AGAP2: variants seen among roughly 807,000 people sequenced by gnomAD.
The protein encoded by AGAP2 is ArfGAP with GTPase domain, ankyrin repeat and PH domain 2, also known as arf-GAP with GTPase, ANK repeat and PH domain-containing protein 2.
In AGAP2, 32 loss-of-function variants were observed where a neutral mutation model predicts 110.9. The ratio of observed to expected loss-of-function variants is 0.29; its 90% confidence interval spans 0.22 to 0.39. The LOEUF is 0.39. Ranked by LOEUF, AGAP2 falls within the 10% of genes least tolerant of loss-of-function variation. The pLI is 1.00. For missense variants in AGAP2, 1,285 were observed against 1,638.5 expected (o/e 0.78, Z 3.72); for synonymous variants, 702 against 713.0 (o/e 0.98, Z 0.25).
intron 7 of AGAP2, 66 bp downstream of exon 7, chr12:57,732,337 G>A: frequency 6.9e-7 from 1 of 1,441,238 alleles, no homozygotes; most frequent in Non-Finnish European, 9.5e-7. Flanking sequence ...CTCTGTACCT[G>A]TCCTAGGATC....
chr12:57,738,860 G>A (rs1955040530), upstream of AGAP2, among the ~76,000 whole-genome samples: 1 of 151,806 alleles, frequency 6.6e-6, no homozygotes, highest in African/African-American at 2.4e-5. The surrounding 1 kb of genome is among the most constrained non-coding windows in gnomAD (Gnocchi z 6.7). Flanking sequence ...ACGGGTCTGG[G>A]GTCTGGGAGG....
chr12:57,731,737 T>A, intron 8 of AGAP2, 72 bp downstream of exon 8: 5 of 1,582,204 alleles, frequency 3.2e-6, no homozygotes, highest in Non-Finnish European at 3.4e-6. Context: ...AACAGAGGAG[T>A]CTAGGGACTA....
In AGAP2 at chr12:57,737,276, G is replaced by C. The variant is rs770976733; in HGVS notation, c.971C>G (p.Pro324Arg). 8.1e-6 allele frequency: 13 copies of C among 1,613,460 alleles called. No individual in the cohort carries two copies. Among genetic ancestry groups the C allele is most frequent in the Non-Finnish European group, 1.1e-5 (13 of 1,179,796 alleles). Residue 324 changes from proline (P) to arginine (R), a missense_variant, in exon 1 of 19, where the codon CCA becomes CGA. This residue lies in a region of AGAP2 where 844 missense variants were observed against 941.2 expected (regional missense o/e 0.90). Coordinates refer to ENST00000547588, the MANE Select transcript of AGAP2 (RefSeq NM_001122772.3). The surrounding 1 kb of genome is among the most constrained non-coding windows in gnomAD (Gnocchi z 5.9). ...GPAPPITLEPPAPGLKRGREG... is the reference protein window; with the variant it reads ...GPAPPITLEPRAPGLKRGREG... The stretch of plus-strand genomic sequence containing the variant: ...CCGGCCCCGTTTCAGCCCCGGAGCT[G>C]GAGGCTCCAGAGTGATTGGAGGTGC...
At chr12:57,724,289 CT>C (rs1380368158), downstream of AGAP2, 1 of 152,284 alleles carries the variant, frequency 6.6e-6, no homozygotes, top group Non-Finnish European at 1.5e-5. Context: ...CCCAAAGATG[CT>C]GGTGCTACCA....
chr12:57,727,267 C>A (rs1240960012), intron 17 of AGAP2, 38 bp from the exon 18 acceptor site: 4 of 1,612,270 alleles, frequency 2.5e-6, no homozygotes, highest in Non-Finnish European at 2.5e-6. Context: ...GCTCTAGGGA[C>A]CCCCAGCCAG....
rs1186323205 is a variant in AGAP2, at chr12:57,725,422, G to A, written c.*1130C>T. ...GGCTGAGGGAGGCAGGGCTGGGCCAGGTAAGTCCGCCCTATCACCCAGTTT... is the reference window on the plus strand; with the variant it reads ...GGCTGAGGGAGGCAGGGCTGGGCCAAGTAAGTCCGCCCTATCACCCAGTTT... On this transcript the variant is annotated 3_prime_UTR_variant, in exon 19 of 19. Transcript: ENST00000547588. The A allele has an allele frequency of 3.3e-5, 5 of 151,878 alleles. No homozygotes were observed. Among genetic ancestry groups the A allele is most frequent in the African/African-American group, 1.2e-4 (5 of 41,306 alleles). 9.4% of individuals were successfully genotyped at this position (151,878 alleles called of 1,614,324 possible).
rs762504135 is a variant in AGAP2, at chr12:57,727,976, G to A, written c.2727C>T (p.Ile909=). Residue 909 remains isoleucine, a synonymous_variant, in exon 15 of 19, where the codon ATC becomes ATT. Transcript: ENST00000547588. The part of the protein sequence containing the change: ...DAWVQAIESQ[I]LASLQCCESS... The stretch of plus-strand genomic sequence containing the variant: ...TCTCACAGCATTGCAGACTGGCTAG[G>A]ATCTGACTCTCGATGGCCTGGACCC... The A allele has an allele frequency of 2.5e-6, 4 of 1,614,148 alleles. No individual in the cohort carries two copies. The highest frequency in any genetic ancestry group is 3.4e-6 in the Non-Finnish European group (4 of 1,180,020).
At position 57,729,706 on chromosome 12, in the gene AGAP2, C is replaced by T; in HGVS notation, c.2490G>A (p.Val830=). ...TCAATTTTTTCCTCCTCTGCTTCTT[C>T]ACCATGGGAGAAGGAGGGGGTTCCC... ...LSREPPPSPM[V]KKQRRKKLTT... Residue 830 remains valine, a synonymous_variant, in exon 13 of 19, where the codon GTG becomes GTA. Transcript: ENST00000547588. 6.2e-7 allele frequency: 1 copy of T among 1,613,910 alleles called. No homozygotes were observed. Among genetic ancestry groups the T allele is most frequent in the Non-Finnish European group, 8.5e-7 (1 of 1,179,896 alleles).
chr12:57,727,319 C>A, intron 17 of AGAP2, 41 bp downstream of exon 17: 4 of 1,604,500 alleles, frequency 2.5e-6, no homozygotes, highest in Non-Finnish European at 2.6e-6. Context: ...GGTTCGCACA[C>A]CCTCAGCAAC....
chr12:57,728,427 A>T, intron 13 of AGAP2, 50 bp from the exon 14 acceptor site: 1 of 1,581,478 alleles, frequency 6.3e-7, no homozygotes, highest in South Asian at 1.1e-5. Flanking sequence ...AGCAGAACAG[A>T]GAAAGAGAGA....
Position 57,737,357 on chromosome 12 carries a change from G to A in AGAP2, c.890C>T (p.Pro297Leu), listed in dbSNP as rs770817239. ...AGSPPPLTLPPTPSPATAVTA... is the reference protein window; with the variant it reads ...AGSPPPLTLPLTPSPATAVTA... ...GACAGCAGTGGCTGGACTCGGAGTTGGTGGGAGGGTTAGCGGAGGAGGAGA... is the reference window on the plus strand; with the variant it reads ...GACAGCAGTGGCTGGACTCGGAGTTAGTGGGAGGGTTAGCGGAGGAGGAGA... Residue 297 changes from proline to leucine, a missense_variant, in exon 1 of 19, where the codon CCA becomes CTA. This residue lies in a region of AGAP2 where 844 missense variants were observed against 941.2 expected (regional missense o/e 0.90). Coordinates refer to ENST00000547588, the MANE Select transcript of AGAP2 (RefSeq NM_001122772.3). The surrounding 1 kb of genome is among the most constrained non-coding windows in gnomAD (Gnocchi z 5.9). 3 of 1,613,734 alleles carry A rather than the reference G, an allele frequency of 1.9e-6. No individual in the cohort carries two copies. The highest frequency in any genetic ancestry group is 2.5e-6 in the Non-Finnish European group (3 of 1,179,838).
upstream of AGAP2, among the ~76,000 whole-genome samples, chr12:57,738,845 A>G (rs1305352639): frequency 6.6e-6 from 1 of 151,246 alleles, no homozygotes; most frequent in East Asian, 2.0e-4. The surrounding 1 kb of genome is among the most constrained non-coding windows in gnomAD (Gnocchi z 6.7). Context: ...GGTGGGTGGG[A>G]ACCCACGGGT....
chr12:57,738,124 G>C lies in AGAP2; in HGVS notation c.123C>G (p.Ala41=). The part of the protein sequence containing the change: ...PPSPSAAAAG[A]AGARGSETGD... ...CAGTCTCGGAGCCTCTGGCACCGGC[G>C]GCGCCGGCCGCGGCCGCAGACGGAG... The change falls in exon 1 of 19, where the codon GCC becomes GCG. Residue 41 remains alanine, a synonymous_variant. Transcript: ENST00000547588. This position sits in a 1 kb window ranked among gnomAD's most constrained non-coding sequence, Gnocchi z 6.7. 6.6e-7 allele frequency: 1 copy of C among 1,520,494 alleles called. No homozygotes were observed. The highest frequency in any genetic ancestry group is 8.8e-7 in the Non-Finnish European group (1 of 1,139,610). 94.2% of individuals were successfully genotyped at this position (1,520,494 alleles called of 1,614,324 possible).
chr12:57,727,187 T>C lies in AGAP2; in HGVS notation c.3123A>G (p.Leu1041=), dbSNP rs756133488. 4 of 1,611,004 alleles carry C rather than the reference T, an allele frequency of 2.5e-6. No individual in the cohort carries two copies. The Admixed American group carries it at 5.0e-5, about 20-fold the overall frequency. ...ESWIRAKYEQ[L]LFLAPLSTSE... is the part of the protein sequence containing the mutation. ...AGGTGCTCAGCGGCGCCAGGAACAG[T>C]AGCTGCTCGTACTTGGCGCGAATCC... Residue 1041 remains leucine (L), a synonymous_variant, in exon 18 of 19, where the codon CTA becomes CTG. Coordinates refer to ENST00000547588, the MANE Select transcript of AGAP2 (RefSeq NM_001122772.3).
rs760163080 is a variant in AGAP2, at chr12:57,737,761, G to T, written c.486C>A (p.Gly162=). The T allele has an allele frequency of 3.0e-4, 468 of 1,534,444 alleles. No individual in the cohort carries two copies. The highest frequency in any genetic ancestry group is 3.8e-4 in the Non-Finnish European group (432 of 1,146,244). Residue 162 remains glycine, a synonymous_variant, in exon 1 of 19, where the codon GGC becomes GGA. Coordinates refer to ENST00000547588, the MANE Select transcript of AGAP2 (RefSeq NM_001122772.3). The surrounding 1 kb of genome is among the most constrained non-coding windows in gnomAD (Gnocchi z 5.9). ...GPEPEGRAGG[G]IPGSSSPHPG... is the part of the protein sequence containing the mutation. ...GGTGCGGAGAGGATGAGCCAGGGAT[G>T]CCGCCGCCCGCCCGGCCTTCGGGCT... is the stretch of plus-strand genomic sequence containing the variant.
At position 57,726,575 on chromosome 12, in the gene AGAP2, C is replaced by T; in HGVS notation, c.3556G>A (p.Asp1186Asn). ...AACTATACCAGCGCAACCGGGGCGT[C>T]GGCGCGGCCCACGCTAGCGGCGCTG... is the stretch of plus-strand genomic sequence containing the variant. The part of the protein sequence containing the change: ...RSSAASVGRA[D>N]APVALV Residue 1186 changes from aspartate to asparagine, a missense_variant, in exon 19 of 19, where the codon GAC becomes AAC. Physicochemically the swap from Asp to Asn is conservative, Grantham distance 23. Transcript: ENST00000547588. This position sits in a 1 kb window ranked among gnomAD's most constrained non-coding sequence, Gnocchi z 5.7. 2 of 1,207,208 alleles carry T rather than the reference C, an allele frequency of 1.7e-6. No individual in the cohort carries two copies. The highest frequency in any genetic ancestry group is 2.1e-6 in the Non-Finnish European group (2 of 971,376). 74.8% of individuals were successfully genotyped at this position (1,207,208 alleles called of 1,614,324 possible). A position where few individuals can be genotyped will look rare whatever the true frequency, so the allele number is the denominator to read the frequency against.
upstream of AGAP2, among the ~76,000 whole-genome samples, chr12:57,741,223 C>T (rs1197610200): frequency 6.6e-6 from 1 of 152,084 alleles, no homozygotes; most frequent in East Asian, 1.9e-4. Context: ...GATGGTGTTG[C>T]CATGGCAGCA....
intron 1 of AGAP2, among the ~76,000 whole-genome samples, chr12:57,736,623 C>T (rs530080128): frequency 6.6e-6 from 1 of 152,372 alleles, no homozygotes; most frequent in South Asian, 2.1e-4. Flanking sequence ...CGACTAGTCC[C>T]TGGCGAGAAG....
At chr12:57,734,821 G>C in intron 2 of AGAP2, 142 bp from the exon 3 acceptor site, 1 of 722,072 alleles carries the variant, frequency 1.4e-6, no homozygotes. Flanking sequence ...TCCAGAGAGA[G>C]CAGTTGGGAG....
Sources: gnomAD v4.1 joint callset for allele counts (sites outside exome capture counted in the v4.1 genomes callset) on GRCh38, gnomAD v4.1.1 for gene constraint, gnomAD v4.1.1 regional missense constraint, Gnocchi (gnomAD v3.1) non-coding constraint, MANE v1.5 for transcripts, NCBI Gene and HGNC (gene_info 2026-07-23, HGNC 2026-07-21) for gene names.